RTN4: variants seen among roughly 807,000 people sequenced by gnomAD.
RTN4 encodes reticulon 4, also known as reticulon-4.
In RTN4, 32 loss-of-function variants were observed where a neutral mutation model predicts 90.4. The observed-to-expected ratio is 0.35, with a 90% CI of 0.27 to 0.48. The LOEUF is 0.48. Among genes scored for constraint, RTN4 ranks in the 20% least tolerant of loss-of-function variants. RTN4 has a pLI of 0.99. For synonymous variants in RTN4, 629 were observed against 552.5 expected, an observed-to-expected ratio of 1.14 and a Z score of -1.94; for missense variants, 1,706 against 1,430.2, an observed-to-expected ratio of 1.19 and a Z score of -3.11.
rs529981247 is a variant in RTN4 at position 55,035,828 on chromosome 2, A to G, written c.557-7608T>C. ...TATGACAATAAATTAGACAACTTAG[A>G]TGAGTAGACAACTTCCTTGATGTCT... On this transcript the variant is annotated intron_variant, in intron 1 of 8. Coordinates refer to ENST00000337526, the MANE Select transcript of RTN4 (RefSeq NM_020532.5). Among the ~76,000 whole-genome samples, 134 of 152,306 alleles carry G rather than the reference A, an allele frequency of 8.8e-4. 2 individuals carry two copies. Among genetic ancestry groups the G allele is most frequent in the East Asian group, 2.3e-3 (12 of 5,190 alleles).
At chr2:55,027,593 AAAATG>A in intron 2 of RTN4, 108 bp from the exon 3 acceptor site, 1 of 1,124,852 alleles carries the variant, frequency 8.9e-7, no homozygotes, top group African/African-American at 1.6e-5. Flanking sequence ...ACTGTTTACT[AAAATG>A]AAATGTTAAT....
intron 3 of RTN4, among the ~76,000 whole-genome samples, chr2:55,021,706 C>A (rs1299974191): frequency 1.3e-5 from 2 of 152,096 alleles, no homozygotes; most frequent in Non-Finnish European, 2.9e-5. Context: ...GCTAATCCAC[C>A]CTTCCTTTTA....
At chr2:55,055,485 T>C (rs1260697838), upstream of RTN4, among the ~76,000 whole-genome samples, 3 of 152,072 alleles carry the variant, frequency 2.0e-5, no homozygotes, top group Admixed American at 6.5e-5. Flanking sequence ...CAACTGACCT[T>C]GGCCGGGCGC....
intron 3 of RTN4, among the ~76,000 whole-genome samples, chr2:55,011,708 T>C (rs1258816142): frequency 1.3e-5 from 2 of 151,930 alleles, no homozygotes; most frequent in African/African-American, 2.4e-5. Flanking sequence ...AAACAAAACA[T>C]GTAAGACTTA....
In RTN4 at chr2:55,093,063, C is replaced by G. The variant is rs370761921; in HGVS notation, c.-213-12424G>C. On this transcript the variant is annotated intron_variant, in intron 1 of 3. Transcript: ENST00000427710. ...GTGTGTGTGTACGTGTGTAAAATAT[C>G]AGAAGATAAGAGCCTTGCATTGTTC... Among the ~76,000 whole-genome samples the G allele has an allele frequency of 2.4e-4, 37 of 152,250 alleles. 1 individual carries two copies. The East Asian group carries it at 6.8e-3, about 28-fold the overall frequency.
chr2:55,066,804 G>T (rs1332108224), intron 2 of RTN4, among the ~76,000 whole-genome samples: 3 of 152,058 alleles, frequency 2.0e-5, no homozygotes, highest in African/African-American at 7.2e-5. Flanking sequence ...ATATGAAATT[G>T]TCATTTTTAT....
upstream of RTN4, among the ~76,000 whole-genome samples, chr2:55,113,612 C>T (rs181540649): frequency 2.0e-5 from 3 of 152,284 alleles, no homozygotes; most frequent in Admixed American, 6.5e-5. Flanking sequence ...CCTCTCACTC[C>T]GGACCTGTAG....
Position 54,973,828 on chromosome 2 carries a change from C to T in RTN4, c.3470G>A (p.Arg1157Gln), listed in dbSNP as rs199865440. ...AGTTAGTTAGGAAATTACCTGATGC[C>T]GTTCATAAATAACAGGAACACTGAA... ...SLFSVPVIYE[R>Q]HQAQIDHYLG... Residue 1157 changes from arginine (R) to glutamine (Q), a missense_variant, in exon 7 of 9, where the codon CGG becomes CAG. By Grantham distance (43) the Arg-to-Gln change is conservative. Transcript: ENST00000337526. 9.3e-6 allele frequency: 15 copies of T among 1,613,126 alleles called. No individual in the cohort carries two copies. Among genetic ancestry groups the T allele is most frequent in the East Asian group, 6.7e-5 (3 of 44,828 alleles).
Position 55,025,155 on chromosome 2 carries a change from G to T in RTN4, c.2944C>A (p.Pro982Thr). The T allele has an allele frequency of 6.2e-7, 1 of 1,613,694 alleles. No homozygotes were observed. The highest frequency in any genetic ancestry group is 8.5e-7 in the Non-Finnish European group (1 of 1,179,784). Reference sequence around the variant, plus strand: ...CTGTCCTCTTTTTCTGTATCGGAAGGAAGTTTTTTCTCAGCTTCTTTCACA... The same window carrying T: ...CTGTCCTCTTTTTCTGTATCGGAAGTAAGTTTTTTCTCAGCTTCTTTCACA... ...VLVKEAEKKL[P>T]SDTEKEDRSP... Residue 982 changes from proline to threonine, a missense_variant, in exon 3 of 9, where the codon CCT (proline) becomes ACT (threonine). Transcript: ENST00000337526.
chr2:54,973,727 G>T, intron 7 of RTN4, 94 bp downstream of exon 7: 1 of 1,494,090 alleles, frequency 6.7e-7, no homozygotes, highest in African/African-American at 1.4e-5. Context: ...TCTCATTTTT[G>T]TAAGACATTG....
the RTN4 span, among the ~76,000 whole-genome samples, chr2:55,134,384 G>A: frequency 6.6e-6 from 1 of 152,108 alleles, no homozygotes; most frequent in East Asian, 1.9e-4. Flanking sequence ...GCAGATCCTA[G>A]ACTTGGAGAA....
At chr2:54,998,331 A>G in intron 3 of RTN4, among the ~76,000 whole-genome samples, 1 of 150,154 alleles carries the variant, frequency 6.7e-6, no homozygotes, top group East Asian at 1.9e-4. Context: ...TAAACTCCAT[A>G]AAAGAACATG....
chr2:55,038,146 G>A (rs776727776), intron 1 of RTN4, among the ~76,000 whole-genome samples: 1 of 151,922 alleles, frequency 6.6e-6, no homozygotes, highest in Non-Finnish European at 1.5e-5. Flanking sequence ...ACCTCAAAAC[G>A]GATCAAGACA....
chr2:55,067,178 A>T (rs546912810), intron 2 of RTN4, among the ~76,000 whole-genome samples: 1 of 152,266 alleles, frequency 6.6e-6, no homozygotes, highest in South Asian at 2.1e-4. Context: ...TGGCTCTCTG[A>T]CGTAAAATAA....
At chr2:55,017,308 A>C (rs140230459) in intron 3 of RTN4, among the ~76,000 whole-genome samples, 5 of 152,336 alleles carry the variant, frequency 3.3e-5, no homozygotes, top group African/African-American at 9.6e-5. Flanking sequence ...AGTCGTAAGA[A>C]TATCAAAACA....
chr2:55,032,716 A>C (rs1682407420), intron 1 of RTN4, among the ~76,000 whole-genome samples: 1 of 152,108 alleles, frequency 6.6e-6, no homozygotes, highest in South Asian at 2.1e-4. Context: ...AAATACCTAT[A>C]ATTGCAGTCC....
chr2:55,006,334 G>C (rs1320251938), intron 3 of RTN4, among the ~76,000 whole-genome samples: 1 of 152,106 alleles, frequency 6.6e-6, no homozygotes, highest in African/African-American at 2.4e-5. Context: ...GTTCCAATCA[G>C]TAGGCCCCAT....
At chr2:54,985,291 C>G (rs1297649333) in intron 4 of RTN4, among the ~76,000 whole-genome samples, 1 of 148,962 alleles carries the variant, frequency 6.7e-6, no homozygotes, top group African/African-American at 2.5e-5. Context: ...GCCTGAATAG[C>G]TGGGACTACT....
At chr2:55,061,083 T>TTTTA (rs1668282739) in intron 2 of RTN4, among the ~76,000 whole-genome samples, 1 of 151,456 alleles carries the variant, frequency 6.6e-6, no homozygotes, top group Non-Finnish European at 1.5e-5. Flanking sequence ...TTTTTTTTTT[T>TTTTA]GAGATAGAGT....
Sources: gnomAD v4.1 joint callset for allele counts (sites outside exome capture counted in the v4.1 genomes callset) on GRCh38, gnomAD v4.1.1 for gene constraint, MANE v1.5 for transcripts, NCBI Gene and HGNC (gene_info 2026-07-23, HGNC 2026-07-21) for gene names.